The following KIAA1549 variants were observed in gnomAD, a reference collection of about 807,000 sequenced individuals.
KIAA1549 encodes the protein UPF0606 protein KIAA1549.
A neutral mutation model predicts 156.4 loss-of-function variants in KIAA1549; 70 were observed. That is an observed-to-expected ratio of 0.45 (90% confidence interval 0.37 to 0.55). The LOEUF (loss-of-function observed/expected upper bound fraction) is 0.55, where lower values mean the gene tolerates loss of function less well. Among genes scored for constraint, KIAA1549 ranks in the 20% least tolerant of loss-of-function variants. The pLI is 0.00. For synonymous variants in KIAA1549, 1,103 were observed against 1,066.4 expected, an observed-to-expected ratio of 1.03 and a Z score of -0.67; for missense variants, 2,428 against 2,540.9, an observed-to-expected ratio of 0.96 and a Z score of 0.96.
At chr7:138,869,801 C>T (rs762683848) in intron 13 of KIAA1549, 40 bp from the exon 14 acceptor site, 26 of 1,488,036 alleles carry the variant, frequency 1.7e-5, no homozygotes, top group Non-Finnish European at 2.2e-5. Flanking sequence ...CCATAGAGGT[C>T]CCGGGAAGCT....
chr7:138,839,737 A>ACC (rs763902095), intron 19 of KIAA1549, among the ~76,000 whole-genome samples: 7 of 132,604 alleles, frequency 5.3e-5, no homozygotes, highest in African/African-American at 1.9e-4. Context: ...TTAAAAAGGG[A>ACC]CCCCCCCCAA....
chr7:138,961,586 T>C (rs774318652), intron 1 of KIAA1549, among the ~76,000 whole-genome samples: 9 of 152,224 alleles, frequency 5.9e-5, no homozygotes, highest in Non-Finnish European at 1.3e-4. Flanking sequence ...TTCCTTCTTC[T>C]GTGATCCACA....
intron 8 of KIAA1549, among the ~76,000 whole-genome samples, chr7:138,902,069 T>C (rs1193756340): frequency 1.3e-5 from 2 of 152,264 alleles, no homozygotes; most frequent in Non-Finnish European, 2.9e-5. Context: ...GCAAAGCTTT[T>C]ATAATTCATT....
At chr7:138,849,588 G>A (rs1335284379) in intron 17 of KIAA1549, among the ~76,000 whole-genome samples, 1 of 151,500 alleles carries the variant, frequency 6.6e-6, no homozygotes, top group Non-Finnish European at 1.5e-5. Flanking sequence ...AGGTTCAGGG[G>A]TACATGTGCA....
At chr7:138,969,727 G>A (rs969550897) in intron 1 of KIAA1549, among the ~76,000 whole-genome samples, 1 of 152,038 alleles carries the variant, frequency 6.6e-6, no homozygotes, top group African/African-American at 2.4e-5. Flanking sequence ...CAAGTAGCTG[G>A]GATTACAGGC....
At chr7:138,861,576 T>G (rs1258063316) in intron 15 of KIAA1549, 120 bp from the exon 16 acceptor site, 14 of 838,740 alleles carry the variant, frequency 1.7e-5, no homozygotes, top group Non-Finnish European at 2.5e-5. Flanking sequence ...GTTGAGGCTG[T>G]GCACAGTGGC....
At chr7:138,881,282 A>G (rs1563061011) in intron 11 of KIAA1549, 106 bp downstream of exon 11, 1 of 1,133,204 alleles carries the variant, frequency 8.8e-7, no homozygotes, top group Non-Finnish European at 1.3e-6. Context: ...TGGGCTGCAC[A>G]TGCAGGGCTG....
intron 1 of KIAA1549, among the ~76,000 whole-genome samples, chr7:138,930,330 C>T (rs1026415618): frequency 6.6e-6 from 1 of 152,198 alleles, no homozygotes. Context: ...TGAGCACTGG[C>T]TTCAACTTCA....
At chr7:138,906,382 T>A (rs77116344) in intron 6 of KIAA1549, among the ~76,000 whole-genome samples, 1 of 152,186 alleles carries the variant, frequency 6.6e-6, no homozygotes, top group African/African-American at 2.4e-5. Flanking sequence ...GGTTGATCAC[T>A]GTAACAAATG....
chr7:138,905,885 G>A (rs1811992001), intron 6 of KIAA1549, among the ~76,000 whole-genome samples: 2 of 152,056 alleles, frequency 1.3e-5, no homozygotes, highest in Non-Finnish European at 1.5e-5. Flanking sequence ...TGATAAATGT[G>A]TATATATTCA....
intron 1 of KIAA1549, among the ~76,000 whole-genome samples, chr7:138,978,851 C>G (rs935616501): frequency 2.0e-5 from 3 of 152,190 alleles, no homozygotes; most frequent in African/African-American, 7.2e-5. Context: ...GCAACTGCAA[C>G]GCACCCTCTT....
intron 4 of KIAA1549, among the ~76,000 whole-genome samples, chr7:138,909,807 C>T (rs906911918): frequency 3.5e-4 from 53 of 151,958 alleles, no homozygotes; most frequent in African/African-American, 1.3e-3. Context: ...ATTAGCCGGA[C>T]ATGGTGGTGG....
At chr7:138,877,367 G>A (rs1355299555) in intron 12 of KIAA1549, among the ~76,000 whole-genome samples, 9 of 152,100 alleles carry the variant, frequency 5.9e-5, no homozygotes, top group Admixed American at 2.6e-4. Flanking sequence ...GGTGGTATAC[G>A]TCTGTAATCC....
intron 1 of KIAA1549, among the ~76,000 whole-genome samples, chr7:138,966,238 CT>C (rs1034101363): frequency 1.1e-4 from 17 of 152,146 alleles, no homozygotes; most frequent in African/African-American, 4.1e-4. Flanking sequence ...GGGTGGACCC[CT>C]ATCCAATACC....
chr7:138,835,704 A>G lies in KIAA1549; in HGVS notation c.*2202T>C, dbSNP rs907174537. 2 of 217,690 alleles carry G rather than the reference A, an allele frequency of 9.2e-6. No homozygotes were observed. The highest frequency in any genetic ancestry group is 4.5e-5 in the African/African-American group (2 of 44,478). The allele number at this position is 217,690 out of a possible 1,614,324, so 13.5% of individuals were successfully genotyped here. A position where few individuals can be genotyped will look rare whatever the true frequency, so the allele number is the denominator to read the frequency against. On this transcript the variant is annotated 3_prime_UTR_variant, in exon 20 of 20. Transcript: ENST00000422774. The stretch of plus-strand genomic sequence containing the variant: ...TCAGGAAACCTGGTATTTTTGAGTG[A>G]CATACAAAGATAATCGTTCAATTTG...
chr7:138,929,730 C>T (rs1812819497), intron 1 of KIAA1549, among the ~76,000 whole-genome samples: 4 of 152,068 alleles, frequency 2.6e-5, no homozygotes, highest in Admixed American at 2.6e-4. Context: ...TGCTCTATTT[C>T]CCAAGCTGGA....
rs765070644 is a variant in KIAA1549, at chr7:138,867,963, G to A, written c.4929+12C>T. 1.6e-5 allele frequency: 26 copies of A among 1,611,670 alleles called. No homozygotes were observed. Among genetic ancestry groups the A allele is most frequent in the East Asian group, 2.2e-5 (1 of 44,826 alleles). On this transcript the variant is annotated intron_variant, in intron 15 of 19. Coordinates refer to ENST00000422774, the MANE Select transcript of KIAA1549 (RefSeq NM_001164665.2). Reference sequence around the variant, plus strand: ...CACCCGAGTTCCAGAAACTGGAGTCGGTGGCACGCACTGGGCATCCGATGT... The same window carrying A: ...CACCCGAGTTCCAGAAACTGGAGTCAGTGGCACGCACTGGGCATCCGATGT...
chr7:138,932,373 A>G (rs1812896547), intron 1 of KIAA1549, among the ~76,000 whole-genome samples: 1 of 151,948 alleles, frequency 6.6e-6, no homozygotes, highest in Non-Finnish European at 1.5e-5. Flanking sequence ...GAACACAGAG[A>G]AAGACAGCAT....
intron 1 of KIAA1549, among the ~76,000 whole-genome samples, chr7:138,954,036 T>C (rs1052554037): frequency 6.3e-5 from 9 of 143,606 alleles, no homozygotes; most frequent in African/African-American, 1.7e-4. Context: ...CATATTTCTA[T>C]GTGCAAAATG....
Sources: gnomAD v4.1 joint callset for allele counts (sites outside exome capture counted in the v4.1 genomes callset) on GRCh38, gnomAD v4.1.1 for gene constraint, MANE v1.5 for transcripts, NCBI Gene and HGNC (gene_info 2026-07-23, HGNC 2026-07-21) for gene names.